The following DENND1A variants were observed in gnomAD, a reference collection of about 807,000 sequenced individuals.
DENND1A encodes the protein DENN domain-containing protein 1A.
A neutral mutation model predicts 113.7 loss-of-function variants in DENND1A; 51 were observed. The observed-to-expected ratio is 0.45, with a 90% confidence interval of 0.36 to 0.57. DENND1A has a LOEUF of 0.57. Among genes scored for constraint, DENND1A ranks in the 20% least tolerant of loss-of-function variants. The pLI is 0.00. For missense variants in DENND1A, 1,258 were observed against 1,395.9 expected (o/e 0.90, Z 1.57); for synonymous variants, 565 against 570.8 (o/e 0.99, Z 0.14).
At chr9:123,717,218 A>G (rs375443493) in intron 5 of DENND1A, among the ~76,000 whole-genome samples, 96 of 152,322 alleles carry the variant, frequency 6.3e-4, no homozygotes, top group African/African-American at 2.3e-3. Context: ...AGGGACAAAG[A>G]GGATCTGACA....
At chr9:123,730,353 T>G (rs1420861826) in intron 5 of DENND1A, among the ~76,000 whole-genome samples, 1 of 152,150 alleles carries the variant, frequency 6.6e-6, no homozygotes, top group East Asian at 1.9e-4. Context: ...TTTTGCAATC[T>G]ATCCATCTGA....
chr9:123,743,434 T>A (rs1342973843), intron 5 of DENND1A, among the ~76,000 whole-genome samples: 1 of 134,454 alleles, frequency 7.4e-6, no homozygotes, highest in Non-Finnish European at 1.6e-5. Flanking sequence ...AAATAAATAA[T>A]AAAAATAAAA....
At chr9:123,839,774 T>C (rs1841557899) in intron 2 of DENND1A, among the ~76,000 whole-genome samples, 1 of 152,214 alleles carries the variant, frequency 6.6e-6, no homozygotes, top group Admixed American at 6.5e-5. Flanking sequence ...ATCAACATAT[T>C]AGCATTTCAA....
At chr9:123,893,522 A>T (rs745652502) in intron 1 of DENND1A, among the ~76,000 whole-genome samples, 67 of 152,038 alleles carry the variant, frequency 4.4e-4, no homozygotes, top group Non-Finnish European at 7.8e-4. Flanking sequence ...CATTTTAGTC[A>T]TGTTAATCTT....
chr9:123,627,739 C>CAAAA (rs764341977), intron 10 of DENND1A, among the ~76,000 whole-genome samples: 3,371 of 57,650 alleles, frequency 0.058, 77 homozygotes, highest in Non-Finnish European at 0.09. Flanking sequence ...AACTCTGTCT[C>CAAAA]AAAAAAAAAA....
At chr9:123,674,340 TCTCACACACACACACACACACACACA>T (rs1301102831) in intron 6 of DENND1A, among the ~76,000 whole-genome samples, 1 of 127,738 alleles carries the variant, frequency 7.8e-6, no homozygotes, top group African/African-American at 3.1e-5. Flanking sequence ...TCTGTCTCTC[TCTCACACACACACACACACACACACA>T]CACACACACA....
intron 19 of DENND1A, chr9:123,413,282 T>C (rs1249288022): frequency 8.9e-6 from 4 of 451,588 alleles, no homozygotes; most frequent in Non-Finnish European, 1.2e-5. Flanking sequence ...AATTTTTAGA[T>C]TGATTACATG....
chr9:123,754,472 T>C (rs1049296925), intron 5 of DENND1A, among the ~76,000 whole-genome samples: 1 of 152,166 alleles, frequency 6.6e-6, no homozygotes, highest in Non-Finnish European at 1.5e-5. Context: ...CCACAATTCA[T>C]CTAGGACTCT....
At chr9:123,532,980 G>A (rs1053404978) in intron 13 of DENND1A, among the ~76,000 whole-genome samples, 7 of 152,190 alleles carry the variant, frequency 4.6e-5, no homozygotes, top group African/African-American at 1.2e-4. Context: ...ACCAGGAGTT[G>A]GCACTCACAA....
intron 12 of DENND1A, among the ~76,000 whole-genome samples, chr9:123,568,822 G>T (rs1020786890): frequency 5.3e-5 from 8 of 152,150 alleles, no homozygotes; most frequent in African/African-American, 1.9e-4. Flanking sequence ...AAACAGGAAG[G>T]GGGGTGGGAA....
At chr9:123,862,832 T>C (rs1218332404) in intron 2 of DENND1A, among the ~76,000 whole-genome samples, 3 of 152,152 alleles carry the variant, frequency 2.0e-5, no homozygotes, top group African/African-American at 7.2e-5. Flanking sequence ...TGTATAACAA[T>C]CAGGAGCTAG....
At chr9:123,846,597 G>T (rs1183700047) in intron 2 of DENND1A, among the ~76,000 whole-genome samples, 4 of 152,140 alleles carry the variant, frequency 2.6e-5, no homozygotes, top group Admixed American at 6.5e-5. Context: ...AAACCAGACA[G>T]AAAAGGACAA....
At chr9:123,439,065 AG>A (rs2046734917) in intron 19 of DENND1A, among the ~76,000 whole-genome samples, 1 of 152,232 alleles carries the variant, frequency 6.6e-6, no homozygotes, top group African/African-American at 2.4e-5. Flanking sequence ...GGCGACAACC[AG>A]GGGCTGTGCT....
At chr9:123,492,028 C>T (rs1306212932) in intron 13 of DENND1A, 4 of 152,240 alleles carry the variant, frequency 2.6e-5, no homozygotes, top group East Asian at 1.9e-4. Flanking sequence ...GAGAGGAAGA[C>T]AGAGATGAAT....
intron 2 of DENND1A, among the ~76,000 whole-genome samples, chr9:123,862,874 T>C (rs960409479): frequency 3.3e-5 from 5 of 152,230 alleles, no homozygotes; most frequent in Admixed American, 6.5e-5. Context: ...GATGCAGCCA[T>C]GAAAAACTGA....
chr9:123,452,260 C>T lies in DENND1A; in HGVS notation c.1299+16G>A. On this transcript the variant is annotated intron_variant, in intron 17 of 23. Coordinates refer to ENST00000394215, the MANE Select transcript of DENND1A (RefSeq NM_001352964.2). ...ACTGATCTGTTTTGGCTCCTGACAG[C>T]AAGACCAGTACTTACGAACTTGTAG... The T allele has an allele frequency of 6.2e-7, 1 of 1,613,612 alleles. No homozygotes were observed.
At chr9:123,604,731 C>A (rs992623002) in intron 11 of DENND1A, among the ~76,000 whole-genome samples, 3 of 152,212 alleles carry the variant, frequency 2.0e-5, no homozygotes, top group African/African-American at 7.2e-5. Flanking sequence ...CTCTGCATTG[C>A]AGACCAGGAG....
chr9:123,550,550 C>T (rs1026848293), intron 13 of DENND1A, among the ~76,000 whole-genome samples: 12 of 152,146 alleles, frequency 7.9e-5, no homozygotes, highest in Non-Finnish European at 1.6e-4. Context: ...TCACATGCAC[C>T]GTCATGCAGC....
At chr9:123,901,797 G>T (rs1564472078) in intron 1 of DENND1A, among the ~76,000 whole-genome samples, 1 of 152,098 alleles carries the variant, frequency 6.6e-6, no homozygotes, top group Non-Finnish European at 1.5e-5. Flanking sequence ...GAGGTCAGAA[G>T]ATCGAGACCA....
Sources: allele counts gnomAD v4.1 joint callset (sites outside exome capture counted in the v4.1 genomes callset), GRCh38; gene constraint gnomAD v4.1.1; transcripts MANE v1.5; gene names NCBI Gene and HGNC (gene_info 2026-07-23, HGNC 2026-07-21).